Variants in ZNF670 observed in about 807,000 individuals in gnomAD.
ZNF670 encodes zinc finger protein 670.
Under a neutral mutation model 10.9 loss-of-function variants are expected in ZNF670, and 7 were observed. The ratio of observed to expected loss-of-function variants is 0.64; its 90% CI spans 0.36 to 1.20. ZNF670 has a LOEUF of 1.20. ZNF670 is among the 50% of genes most tolerant of loss of function. The pLI is 0.02. For synonymous variants in ZNF670, 136 were observed against 152.7 expected, an observed-to-expected ratio of 0.89 and a Z score of 0.81; for missense variants, 446 against 458.6, an observed-to-expected ratio of 0.97 and a Z score of 0.25.
At chr1:247,038,500 G>A in intron 3 of ZNF670, 73 bp from the exon 4 acceptor site, 3 of 1,429,250 alleles carry the variant, frequency 2.1e-6, no homozygotes, top group Non-Finnish European at 2.8e-6. Context: ...CATGGAAAAT[G>A]CAAGTTTCCT....
intron 1 of ZNF670, among the ~76,000 whole-genome samples, chr1:247,072,320 T>C (rs943541406): frequency 1.4e-5 from 2 of 144,034 alleles, no homozygotes; most frequent in African/African-American, 5.4e-5. Context: ...CTGGTTTTGT[T>C]TTTTTTTTTT....
In ZNF670 at chr1:247,037,637, C is replaced by T. The variant is rs370603456; in HGVS notation, c.982G>A (p.Glu328Lys). 12 of 1,614,096 alleles carry T rather than the reference C, an allele frequency of 7.4e-6. No individual in the cohort carries two copies. The African/African-American group carries it at 1.6e-4, about 22-fold the overall frequency. Reference sequence around the variant, plus strand: ...GGTTTCACTCCAGTGTGAGTTCTTTCATGCTCACATAGGTTACTAGAATAT... The same window carrying T: ...GGTTTCACTCCAGTGTGAGTTCTTTTATGCTCACATAGGTTACTAGAATAT... Reference protein sequence around the residue: ...FKYSSNLCEHERTHTGVKPYG... With the variant: ...FKYSSNLCEHKRTHTGVKPYG... Residue 328 changes from glutamate to lysine, a missense_variant, in exon 4 of 4, where the codon GAA (glutamate) becomes AAA (lysine). Coordinates refer to ENST00000366503, the MANE Select transcript of ZNF670 (RefSeq NM_033213.5).
intron 1 of ZNF670, among the ~76,000 whole-genome samples, chr1:247,054,252 G>A (rs1670666455): frequency 6.6e-6 from 1 of 152,196 alleles, no homozygotes; most frequent in Admixed American, 6.5e-5. Context: ...CCACAAGAAT[G>A]GCAACTCCTG....
intron 1 of ZNF670, among the ~76,000 whole-genome samples, chr1:247,075,373 G>A (rs1251211977): frequency 6.6e-6 from 1 of 152,248 alleles, no homozygotes; most frequent in East Asian, 1.9e-4. Context: ...TACAACACTT[G>A]CTTGTGGAAA....
At chr1:247,048,306 C>T (rs577060254) in intron 1 of ZNF670, among the ~76,000 whole-genome samples, 132 of 152,294 alleles carry the variant, frequency 8.7e-4, no homozygotes, top group Non-Finnish European at 1.2e-3. Context: ...CAAAATGCTG[C>T]CAGTCTCTTT....
chr1:247,038,250 C>A lies in ZNF670; in HGVS notation c.369G>T (p.Leu123=), dbSNP rs780480258. The A allele has an allele frequency of 1.2e-6, 2 of 1,614,060 alleles. No individual in the cohort carries two copies. Among genetic ancestry groups the A allele is most frequent in the African/African-American group, 1.3e-5 (1 of 74,940 alleles). Residue 123 remains leucine, a synonymous_variant, in exon 4 of 4, where the codon CTG becomes CTT. Transcript: ENST00000366503. ...CAAATAGTTTGTTTCCAATGTGAGACAGGATGTGCCTATGAAGGGCTGAAT... is the reference window on the plus strand; with the variant it reads ...CAAATAGTTTGTTTCCAATGTGAGAAAGGATGTGCCTATGAAGGGCTGAAT... ...ICHSALHRHI[L]SHIGNKLFEC...
At position 247,078,687 on chromosome 1, in the gene ZNF670, A is replaced by C; in HGVS notation, c.-91T>G. The C allele has an allele frequency of 6.9e-7, 1 of 1,441,780 alleles. No individual in the cohort carries two copies. Among genetic ancestry groups the C allele is most frequent in the Non-Finnish European group, 9.7e-7 (1 of 1,032,328 alleles). 89.3% of individuals were successfully genotyped at this position (1,441,780 alleles called of 1,614,324 possible). On this transcript the variant is annotated 5_prime_UTR_variant, in exon 1 of 4. Coordinates refer to ENST00000366503, the MANE Select transcript of ZNF670 (RefSeq NM_033213.5). ...CAGAAGCTGCCGCGGGACCACTTGG[A>C]CCTCCCAGGGATAAGGGGAAGGAGC...
intron 1 of ZNF670, among the ~76,000 whole-genome samples, chr1:247,063,227 G>A (rs1288978841): frequency 2.0e-5 from 3 of 152,154 alleles, no homozygotes; most frequent in Non-Finnish European, 4.4e-5. Context: ...GAAACAAATA[G>A]TTGATAATAT....
chr1:247,040,778 C>T (rs1033428139), intron 1 of ZNF670, among the ~76,000 whole-genome samples: 9 of 152,066 alleles, frequency 5.9e-5, no homozygotes, highest in Non-Finnish European at 1.2e-4. Flanking sequence ...CCACATCCTC[C>T]GCTGCCTCCC....
chr1:247,073,037 C>G (rs1452695057), intron 1 of ZNF670, among the ~76,000 whole-genome samples: 1 of 151,786 alleles, frequency 6.6e-6, no homozygotes, highest in Non-Finnish European at 1.5e-5. Flanking sequence ...CATCTCTGAG[C>G]AGAAGTTAGA....
rs1572552305 is a variant in ZNF670, at chr1:247,035,835, G to C, written c.*1614C>G. On this transcript the variant is annotated 3_prime_UTR_variant, in exon 4 of 4. Coordinates refer to ENST00000366503, the MANE Select transcript of ZNF670 (RefSeq NM_033213.5). Reference sequence around the variant, plus strand: ...TTCTTATCTGAAATACTTGGGAACGGAAGTGCTTTGGATTTCAGACTTTTA... The same window carrying C: ...TTCTTATCTGAAATACTTGGGAACGCAAGTGCTTTGGATTTCAGACTTTTA... Among the ~76,000 whole-genome samples the C allele has an allele frequency of 6.6e-6, 1 of 152,168 alleles. No individual in the cohort carries two copies. The highest frequency in any genetic ancestry group is 6.5e-5 in the Admixed American group (1 of 15,272).
chr1:247,042,911 C>A, intron 1 of ZNF670: 1 of 671,796 alleles, frequency 1.5e-6, no homozygotes, highest in Non-Finnish European at 2.8e-6. Context: ...GAATTACTCC[C>A]AACACTGTGA....
At chr1:247,078,539 CG>C in intron 1 of ZNF670, 54 bp downstream of exon 1, 3 of 1,611,636 alleles carry the variant, frequency 1.9e-6, no homozygotes, top group Non-Finnish European at 2.5e-6. Context: ...TCGCCACAAC[CG>C]CTTCCTGGCG....
intron 1 of ZNF670, among the ~76,000 whole-genome samples, chr1:247,046,389 AG>A (rs985398722): frequency 7.9e-5 from 12 of 152,222 alleles, no homozygotes; most frequent in African/African-American, 7.2e-5. Flanking sequence ...GTGCAGCCTC[AG>A]GACACTGCTC....
chr1:247,049,989 G>A (rs570064710), intron 1 of ZNF670, among the ~76,000 whole-genome samples: 64 of 152,298 alleles, frequency 4.2e-4, no homozygotes, highest in Admixed American at 7.8e-4. Context: ...TGAACAGAAT[G>A]CATACACTGC....
At chr1:247,067,856 A>G (rs1671025797) in intron 1 of ZNF670, among the ~76,000 whole-genome samples, 1 of 121,276 alleles carries the variant, frequency 8.2e-6, no homozygotes, top group African/African-American at 4.0e-5. Flanking sequence ...AAAAAAAAAA[A>G]AAAAAAAAAA....
chr1:247,061,541 A>G (rs1423724190), intron 1 of ZNF670, among the ~76,000 whole-genome samples: 1 of 152,144 alleles, frequency 6.6e-6, no homozygotes, highest in Non-Finnish European at 1.5e-5. Flanking sequence ...AGAAAAAACT[A>G]TACAACGATA....
intron 1 of ZNF670, among the ~76,000 whole-genome samples, chr1:247,066,074 G>A (rs896778005): frequency 2.6e-5 from 4 of 152,118 alleles, no homozygotes; most frequent in Non-Finnish European, 5.9e-5. Context: ...ACTGAGGCAA[G>A]AAATCACAAA....
intron 1 of ZNF670, among the ~76,000 whole-genome samples, chr1:247,059,576 T>G (rs1376899609): frequency 6.6e-6 from 1 of 152,030 alleles, no homozygotes; most frequent in African/African-American, 2.4e-5. Context: ...AAAAACCAAT[T>G]GACTTTATCA....
Sources: gnomAD v4.1 joint callset for allele counts (sites outside exome capture counted in the v4.1 genomes callset) on GRCh38, gnomAD v4.1.1 for gene constraint, MANE v1.5 for transcripts, NCBI Gene and HGNC (gene_info 2026-07-23, HGNC 2026-07-21) for gene names.